Variants in ALPL observed in about 807,000 individuals in gnomAD.
ALPL encodes the protein alkaline phosphatase, tissue-nonspecific isozyme.
In ALPL, 42 loss-of-function variants were observed where a neutral mutation model predicts 51.3. That is an observed-to-expected ratio of 0.82 (90% CI 0.64 to 1.06). The LOEUF (loss-of-function observed/expected upper bound fraction) is 1.06. Among genes scored for constraint, ALPL ranks in the 50% least tolerant of loss-of-function variants. ALPL has a pLI of 0.00. For synonymous variants in ALPL, 279 were observed against 296.4 expected (o/e 0.94, Z 0.60); for missense variants, 589 against 709.4 (o/e 0.83, Z 1.93).
At chr1:21,567,375 G>A (rs1252725263) in intron 6 of ALPL, among the ~76,000 whole-genome samples, 1 of 145,702 alleles carries the variant, frequency 6.9e-6, no homozygotes, top group Non-Finnish European at 1.5e-5. Context: ...TCCCGCGTCC[G>A]TCTGCCCGCA....
At chr1:21,528,410 T>C (rs80330518) in intron 1 of ALPL, among the ~76,000 whole-genome samples, 18,977 of 147,836 alleles carry the variant, frequency 0.13, 1,735 homozygotes, top group East Asian at 0.47. Context: ...TGCAGTGGTG[T>C]GATCTCAGCT....
intron 1 of ALPL, among the ~76,000 whole-genome samples, chr1:21,528,342 GTTTTTTTTTT>G (rs11368122): frequency 1.8e-5 from 2 of 111,948 alleles, no homozygotes; most frequent in Non-Finnish European, 3.6e-5. Context: ...GACCTATTCA[GTTTTTTTTTT>G]TTTTTTTTTT....
chr1:21,572,884 C>T (rs550483631), intron 8 of ALPL, among the ~76,000 whole-genome samples: 13 of 151,900 alleles, frequency 8.6e-5, no homozygotes, highest in African/African-American at 3.1e-4. Flanking sequence ...CCACCGTGCC[C>T]TTCAAATCCA....
At chr1:21,514,198 G>A (rs1643747801) in intron 1 of ALPL, among the ~76,000 whole-genome samples, 1 of 152,028 alleles carries the variant, frequency 6.6e-6, no homozygotes. Flanking sequence ...GAGGTTTGGG[G>A]GTGATAGAGC....
At chr1:21,565,460 A>T (rs1644549811) in intron 6 of ALPL, among the ~76,000 whole-genome samples, 1 of 152,166 alleles carries the variant, frequency 6.6e-6, no homozygotes, top group African/African-American at 2.4e-5. Flanking sequence ...TGATGAGGTC[A>T]TGGATGTGAG....
intron 1 of ALPL, among the ~76,000 whole-genome samples, chr1:21,530,954 ATTTTTTT>A (rs34079543): frequency 2.1e-4 from 22 of 103,970 alleles, no homozygotes; most frequent in East Asian, 1.2e-3. Flanking sequence ...ATCATTTTTG[ATTTTTTT>A]TTTTTTTTTT....
At position 21,577,985 on chromosome 1, in the gene ALPL, A is replaced by G. The variant is rs538549134; in HGVS notation, c.*337A>G. ...ATTTCTCCAGACCCAGAGGCCCTGA[A>G]GCCTCCGTGGAACATTCTGGATCTG... On this transcript the variant is annotated 3_prime_UTR_variant, in exon 12 of 12. Coordinates refer to ENST00000374840, the MANE Select transcript of ALPL (RefSeq NM_000478.6). 172 of 420,724 alleles carry G rather than the reference A, an allele frequency of 4.1e-4. No homozygotes were observed. The highest frequency in any genetic ancestry group is 3.0e-3 in the African/African-American group (149 of 50,296). The allele number at this position is 420,724 out of a possible 1,614,324, so 26.1% of individuals were successfully genotyped here.
chr1:21,562,877 G>A (rs977267785), intron 4 of ALPL, among the ~76,000 whole-genome samples: 4 of 152,176 alleles, frequency 2.6e-5, no homozygotes, highest in Non-Finnish European at 5.9e-5. Context: ...TCTGTACTTT[G>A]GAGAGCTAAG....
At chr1:21,554,910 T>TTTTC (rs149848494) in intron 2 of ALPL, among the ~76,000 whole-genome samples, 16 of 136,584 alleles carry the variant, frequency 1.2e-4, no homozygotes, top group East Asian at 8.7e-4. Context: ...TTTCTTTCTC[T>TTTTC]TTTCTTTCTT....
intron 1 of ALPL, among the ~76,000 whole-genome samples, chr1:21,547,667 G>A (rs1043871333): frequency 3.3e-5 from 5 of 152,244 alleles, no homozygotes; most frequent in South Asian, 4.1e-4. Context: ...ACCAAGGCCC[G>A]GAGAGGTTGA....
At position 21,554,791 on chromosome 1, in the gene ALPL, G is replaced by T. The variant is rs6660573; in HGVS notation, c.61+649G>T. 8.0e-3 allele frequency among the ~76,000 whole-genome samples: 318 copies of T among 39,794 alleles called. 23 individuals are homozygous for T. Among genetic ancestry groups the T allele is most frequent in the African/African-American group, 0.033 (262 of 7,900 alleles). 26.1% of individuals were successfully genotyped at this position (39,794 alleles called of 152,430 possible). A position where few individuals can be genotyped will look rare whatever the true frequency, so the allele number is the denominator to read the frequency against. On this transcript the variant is annotated intron_variant, in intron 2 of 11. Transcript: ENST00000374840. ...AGGCGTGAGCCACCGCGCCTGGCCT[G>T]TCTGTCTGTCTGTCTGTCTGTCTGT...
At chr1:21,558,473 A>C (rs1338908630) in intron 2 of ALPL, among the ~76,000 whole-genome samples, 2 of 152,360 alleles carry the variant, frequency 1.3e-5, no homozygotes, top group African/African-American at 4.8e-5. Context: ...ACCTCTGAGG[A>C]AAACCTCTGG....
chr1:21,547,119 G>T (rs1400006815), intron 1 of ALPL, among the ~76,000 whole-genome samples: 2 of 149,470 alleles, frequency 1.3e-5, no homozygotes, highest in African/African-American at 5.1e-5. Flanking sequence ...ACCTAGCACA[G>T]AGATACTCAG....
chr1:21,524,973 T>A (rs1390547615), intron 1 of ALPL, among the ~76,000 whole-genome samples: 6 of 152,340 alleles, frequency 3.9e-5, no homozygotes, highest in Middle Eastern at 3.4e-3. Context: ...AGTGGGGGAT[T>A]GGTCCAGGCC....
intron 11 of ALPL, 31 bp downstream of exon 11, chr1:21,576,672 G>C (rs1322441574): frequency 1.9e-6 from 3 of 1,612,688 alleles, no homozygotes; most frequent in African/African-American, 1.3e-5. Flanking sequence ...GGCTGGGAGG[G>C]GACAGGGCAC....
At chr1:21,573,533 TC>T in intron 8 of ALPL, 131 bp from the exon 9 acceptor site, 2 of 1,125,276 alleles carry the variant, frequency 1.8e-6, no homozygotes, top group South Asian at 2.7e-5. Context: ...ATAAGGATCC[TC>T]CCAGCCACCA....
intron 1 of ALPL, among the ~76,000 whole-genome samples, chr1:21,519,354 T>G (rs1032162910): frequency 1.3e-5 from 2 of 152,246 alleles, no homozygotes; most frequent in Admixed American, 1.3e-4. Flanking sequence ...CCGCGGCCTC[T>G]GCGTCTTTCT....
At chr1:21,576,259 ATGGATGGATGGGTGG>A (rs1644732977) in intron 10 of ALPL, among the ~76,000 whole-genome samples, 4 of 38,958 alleles carry the variant, frequency 1.0e-4, no homozygotes, top group African/African-American at 3.9e-4. Flanking sequence ...TGGATGATGG[ATGGATGGATGGGTGG>A]ATGGATGGAT....
At chr1:21,572,827 G>C (rs1644668440) in intron 8 of ALPL, among the ~76,000 whole-genome samples, 1 of 152,000 alleles carries the variant, frequency 6.6e-6, no homozygotes, top group Non-Finnish European at 1.5e-5. Flanking sequence ...AGCCCAGTGA[G>C]CAGGAGGGAC....
Sources: allele counts gnomAD v4.1 joint callset (sites outside exome capture counted in the v4.1 genomes callset), GRCh38; gene constraint gnomAD v4.1.1; transcripts MANE v1.5; gene names NCBI Gene and HGNC (gene_info 2026-07-23, HGNC 2026-07-21).